CYP2C18: variants seen among roughly 807,000 people sequenced by gnomAD.
CYP2C18 encodes the protein cytochrome P450 2C18.
A neutral mutation model predicts 41.3 loss-of-function variants in CYP2C18; 38 were observed. The ratio of observed to expected loss-of-function variants is 0.92; its 90% CI spans 0.71 to 1.21. The LOEUF (loss-of-function observed/expected upper bound fraction) is 1.21, where lower values mean the gene tolerates loss of function less well. Ranked by LOEUF, CYP2C18 falls within the 50% of genes most tolerant of loss-of-function variation. The pLI is 0.00. For missense variants in CYP2C18, 635 were observed against 591.4 expected (o/e 1.07, Z -0.77); for synonymous variants, 236 against 210.0 (o/e 1.12, Z -1.07).
In CYP2C18 at chr10:94,717,158, A is replaced by G. The variant is rs567186753; in HGVS notation, c.820-3238A>G. 2.0e-5 allele frequency among the ~76,000 whole-genome samples: 3 copies of G among 152,238 alleles called. No homozygotes were observed. The East Asian group carries it at 5.8e-4, about 29-fold the overall frequency. The stretch of plus-strand genomic sequence containing the variant: ...CCAGTTTGCTAGTCTGTGTCTTTTA[A>G]TCAGTGCATTTAGTCCATTTATATT... On this transcript the variant is annotated intron_variant, in intron 5 of 8. Coordinates refer to ENST00000285979, the MANE Select transcript of CYP2C18 (RefSeq NM_000772.3).
intron 7 of CYP2C18, among the ~76,000 whole-genome samples, chr10:94,731,430 A>G (rs1847831111): frequency 6.6e-6 from 1 of 152,056 alleles, no homozygotes; most frequent in African/African-American, 2.4e-5. Context: ...AAAGCAATCT[A>G]CTGATTCAAT....
intron 7 of CYP2C18, among the ~76,000 whole-genome samples, chr10:94,732,769 A>AAC (rs1847855242): frequency 6.6e-6 from 1 of 152,100 alleles, no homozygotes; most frequent in Non-Finnish European, 1.5e-5. Context: ...TCATGGACAT[A>AAC]AAGATGGCAA....
intron 5 of CYP2C18, among the ~76,000 whole-genome samples, chr10:94,709,238 C>A (rs554634564): frequency 8.5e-4 from 130 of 152,304 alleles, no homozygotes; most frequent in African/African-American, 2.5e-3. Flanking sequence ...CGTATTCTCA[C>A]TACAATGTTT....
intron 3 of CYP2C18, among the ~76,000 whole-genome samples, chr10:94,694,709 A>G (rs562175434): frequency 5.9e-5 from 9 of 152,330 alleles, no homozygotes; most frequent in Admixed American, 2.6e-4. Flanking sequence ...TTGGAAAACC[A>G]TTATTAAACA....
intron 4 of CYP2C18, among the ~76,000 whole-genome samples, chr10:94,699,521 A>G (rs1425672983): frequency 6.6e-6 from 1 of 152,006 alleles, no homozygotes; most frequent in Non-Finnish European, 1.5e-5. Context: ...AAAGCTGATC[A>G]TACCGAATGG....
chr10:94,700,717 C>A (rs1847222274), intron 4 of CYP2C18, among the ~76,000 whole-genome samples: 1 of 152,252 alleles, frequency 6.6e-6, no homozygotes, highest in East Asian at 1.9e-4. Flanking sequence ...TTTTTGCAAT[C>A]TACTCATCTG....
chr10:94,724,262 C>T (rs2134205662), intron 6 of CYP2C18, 84 bp from the exon 7 acceptor site: 1 of 1,382,438 alleles, frequency 7.2e-7, no homozygotes, highest in East Asian at 2.3e-5. Context: ...GGGACCCCTT[C>T]CTTATGCTTC....
chr10:94,683,960 T>C lies in CYP2C18; in HGVS notation c.141T>C (p.Val47=), dbSNP rs781113280. The change falls in exon 1 of 9, where the codon GTT becomes GTC. Residue 47 remains valine (V), a synonymous_variant. Transcript: ENST00000285979. ...TTGGAAATATCCTGCAGTTAGATGT[T>C]AAGGACATGAGCAAATCCTTAACCA... The part of the protein sequence containing the change: ...PIIGNILQLD[V]KDMSKSLTNF... The C allele has an allele frequency of 7.5e-6, 12 of 1,609,434 alleles. No individual in the cohort carries two copies. The highest frequency in any genetic ancestry group is 2.2e-5 in the South Asian group (2 of 89,700).
Position 94,724,391 on chromosome 10 carries a change from G to A in CYP2C18, c.1007G>A (p.Ser336Asn), listed in dbSNP as rs1207535412. Residue 336 changes from serine to asparagine, a missense_variant, in exon 7 of 9, where the codon AGC becomes AAC. Transcript: ENST00000285979. ...EIECVVGRNR[S>N]PCMQDRSHMP... ...GAATGTGTAGTTGGCAGAAACCGGA[G>A]CCCCTGTATGCAGGACAGGAGTCAC... 1.2e-6 allele frequency: 2 copies of A among 1,613,442 alleles called. No individual in the cohort carries two copies. The highest frequency in any genetic ancestry group is 2.2e-5 in the East Asian group (1 of 44,838).
intron 8 of CYP2C18, among the ~76,000 whole-genome samples, chr10:94,734,274 A>G (rs891782389): frequency 6.6e-6 from 1 of 152,128 alleles, no homozygotes; most frequent in African/African-American, 2.4e-5. Flanking sequence ...CAATCTCTAC[A>G]GCTAAAGTGT....
At chr10:94,720,680 T>C (rs1847632047) in intron 6 of CYP2C18, 143 bp downstream of exon 6, 2 of 798,584 alleles carry the variant, frequency 2.5e-6, no homozygotes. Context: ...CTAAATATGA[T>C]GAAGGGATAA....
rs912046744 is a variant in CYP2C18, at chr10:94,734,232, C to T, written c.1291+794C>T. 2.6e-5 allele frequency among the ~76,000 whole-genome samples: 4 copies of T among 152,162 alleles called. 1 individual carries two copies. The South Asian group carries it at 8.3e-4, about 32-fold the overall frequency. On this transcript the variant is annotated intron_variant, in intron 8 of 8. Transcript: ENST00000285979. ...CAATAATTCCAGAGCACCTTGATCTCCCTCCACTCATGATCATACATCTTG... is the reference window on the plus strand; with the variant it reads ...CAATAATTCCAGAGCACCTTGATCTTCCTCCACTCATGATCATACATCTTG...
intron 5 of CYP2C18, among the ~76,000 whole-genome samples, chr10:94,709,940 T>C (rs995972658): frequency 2.6e-5 from 4 of 152,178 alleles, no homozygotes; most frequent in Admixed American, 1.3e-4. Context: ...CTCTAAATTC[T>C]ATTTCATTGA....
At chr10:94,691,705 C>T (rs1202806218) in intron 3 of CYP2C18, among the ~76,000 whole-genome samples, 16 of 152,078 alleles carry the variant, frequency 1.1e-4, no homozygotes, top group South Asian at 4.1e-4. Flanking sequence ...AAAAAGAGCC[C>T]GCATTGCCAA....
intron 6 of CYP2C18, among the ~76,000 whole-genome samples, chr10:94,723,370 G>T (rs1847679276): frequency 6.6e-6 from 1 of 152,138 alleles, no homozygotes. Context: ...GATCATGGAG[G>T]TGTGAGGGAA....
intron 4 of CYP2C18, among the ~76,000 whole-genome samples, chr10:94,696,404 C>A (rs7077277): frequency 6.6e-6 from 1 of 152,040 alleles, no homozygotes; most frequent in East Asian, 1.9e-4. Flanking sequence ...CTCCAACAGA[C>A]CTGCAGCTGA....
intron 5 of CYP2C18, among the ~76,000 whole-genome samples, chr10:94,712,553 G>T (rs923420476): frequency 2.0e-5 from 3 of 152,030 alleles, no homozygotes; most frequent in Non-Finnish European, 2.9e-5. Context: ...GTATTCTATT[G>T]TGTATATATA....
intron 1 of CYP2C18, among the ~76,000 whole-genome samples, 173 bp downstream of exon 1, chr10:94,684,160 A>G (rs182474845): frequency 6.2e-4 from 95 of 152,332 alleles, no homozygotes; most frequent in African/African-American, 2.2e-3. Context: ...GGTAATTAGC[A>G]TATCCATCAT....
intron 5 of CYP2C18, 26 bp from the exon 6 acceptor site, chr10:94,720,370 A>G: frequency 6.4e-7 from 1 of 1,557,458 alleles, no homozygotes; most frequent in Non-Finnish European, 8.7e-7. Context: ...ACTACCAAAT[A>G]ATTAAATTAT....
Sources: allele counts gnomAD v4.1 joint callset (sites outside exome capture counted in the v4.1 genomes callset), GRCh38; gene constraint gnomAD v4.1.1; transcripts MANE v1.5; gene names NCBI Gene and HGNC (gene_info 2026-07-23, HGNC 2026-07-21).